The following NSD2 variants were observed in gnomAD, a reference collection of about 807,000 sequenced individuals.
The protein encoded by NSD2 is nuclear receptor binding SET domain protein 2.
Under a neutral mutation model 139.0 loss-of-function variants are expected in NSD2, and 12 were observed. The observed-to-expected ratio is 0.09, with a 90% confidence interval of 0.06 to 0.14. NSD2 has a LOEUF of 0.14. NSD2 is among the 10% of genes least tolerant of loss of function. The pLI is 1.00. For synonymous variants in NSD2, 669 were observed against 648.7 expected (o/e 1.03, Z -0.48); for missense variants, 1,155 against 1,745.0 (o/e 0.66, Z 6.02).
At chr4:1,891,882 C>A (rs1291907371) in intron 1 of NSD2, among the ~76,000 whole-genome samples, 44 of 146,684 alleles carry the variant, frequency 3.0e-4, no homozygotes, top group Admixed American at 9.5e-4. Context: ...CAAAAAAAAA[C>A]AAACAAAAAC....
At chr4:1,879,578 C>G (rs1297633934) in intron 1 of NSD2, among the ~76,000 whole-genome samples, 4 of 152,102 alleles carry the variant, frequency 2.6e-5, no homozygotes, top group Non-Finnish European at 5.9e-5. Context: ...GGCCAGTGAT[C>G]CTGCCTGTCT....
chr4:1,957,008 C>T, intron 15 of NSD2, among the ~76,000 whole-genome samples: 1 of 152,240 alleles, frequency 6.6e-6, no homozygotes, highest in South Asian at 2.1e-4. Flanking sequence ...GAGGGCGAGA[C>T]GAAATTGAGA....
At chr4:1,925,772 A>ATTT (rs564472093) in intron 5 of NSD2, among the ~76,000 whole-genome samples, 27 of 148,854 alleles carry the variant, frequency 1.8e-4, no homozygotes, top group African/African-American at 6.9e-4. Flanking sequence ...CTATATATAT[A>ATTT]TTTTTTTTTG....
intron 5 of NSD2, among the ~76,000 whole-genome samples, chr4:1,923,229 C>G (rs1046831159): frequency 2.7e-5 from 4 of 150,776 alleles, no homozygotes; most frequent in Non-Finnish European, 5.9e-5. Flanking sequence ...TGACTCACGC[C>G]TGTAATCCCA....
intron 9 of NSD2, chr4:1,941,404 G>A (rs879262374): frequency 4.3e-5 from 45 of 1,048,768 alleles, no homozygotes; most frequent in South Asian, 9.2e-5. Context: ...CATGTATATC[G>A]AAGGCTTTGA....
intron 18 of NSD2, among the ~76,000 whole-genome samples, chr4:1,971,565 C>T (rs1427497542): frequency 6.6e-6 from 1 of 152,170 alleles, no homozygotes; most frequent in African/African-American, 2.4e-5. Context: ...TAAATCTCTT[C>T]TTACGAGCCC....
chr4:1,975,411 G>A lies in NSD2; in HGVS notation c.3621+11G>A, dbSNP rs771094496. 8 of 1,612,598 alleles carry A rather than the reference G, an allele frequency of 5.0e-6. No individual in the cohort carries two copies. Among genetic ancestry groups the A allele is most frequent in the African/African-American group, 1.3e-5 (1 of 74,872 alleles). ...GGGGATAGACCAAAGGTAAGGCTGT[G>A]GCGCCCTCCTTCCCCCCAGGCTCTG... On this transcript the variant is annotated intron_variant, in intron 20 of 21. Transcript: ENST00000508803.
chr4:1,936,179 A>G (rs1167399697), intron 7 of NSD2, among the ~76,000 whole-genome samples: 1 of 152,202 alleles, frequency 6.6e-6, no homozygotes, highest in Non-Finnish European at 1.5e-5. Context: ...TGGTACCTGC[A>G]GGGGAGTGAA....
intron 18 of NSD2, among the ~76,000 whole-genome samples, chr4:1,964,773 T>G (rs1398467333): frequency 6.6e-6 from 1 of 151,896 alleles, no homozygotes; most frequent in African/African-American, 2.4e-5. Context: ...GAGCCAGACA[T>G]TAAAAGACTA....
At chr4:1,951,317 A>G in intron 10 of NSD2, 114 bp downstream of exon 10, 1 of 1,388,168 alleles carries the variant, frequency 7.2e-7, no homozygotes, top group Non-Finnish European at 9.8e-7. Flanking sequence ...CCCCAATCTC[A>G]CCGTCACTCA....
At chr4:1,978,028 G>A (rs1412543502) in intron 21 of NSD2, among the ~76,000 whole-genome samples, 4 of 151,306 alleles carry the variant, frequency 2.6e-5, no homozygotes, top group African/African-American at 9.7e-5. Context: ...TCGGAAGGGT[G>A]AGGCAGCAGA....
Position 1,972,086 on chromosome 4 carries a change from G to A in NSD2, c.3373-2777G>A, listed in dbSNP as rs1391973534. 1.3e-5 allele frequency among the ~76,000 whole-genome samples: 2 copies of A among 152,218 alleles called. No homozygotes were observed. The highest frequency in any genetic ancestry group is 4.8e-5 in the African/African-American group (2 of 41,462). ...CAAGAGGCAAACAGTGTCTCTCGGA[G>A]AATGTGACGGCTGTGTTTGGTGATG... is the stretch of plus-strand genomic sequence containing the variant. On this transcript the variant is annotated intron_variant, in intron 18 of 21. Transcript: ENST00000508803. The surrounding 1 kb of genome is among the most constrained non-coding windows in gnomAD (Gnocchi z 4.0).
intron 1 of NSD2, among the ~76,000 whole-genome samples, chr4:1,898,532 T>C (rs1232277832): frequency 3.3e-5 from 5 of 151,336 alleles, no homozygotes; most frequent in Non-Finnish European, 4.4e-5. Context: ...GGCGTGGTGG[T>C]GGGCGCCTGT....
At chr4:1,965,335 G>A (rs1725777589) in intron 18 of NSD2, among the ~76,000 whole-genome samples, 1 of 152,180 alleles carries the variant, frequency 6.6e-6, no homozygotes, top group South Asian at 2.1e-4. Flanking sequence ...CTGAGAAACA[G>A]AAAAGAAGAT....
chr4:1,946,841 C>T (rs1014164317), intron 9 of NSD2: 2 of 1,057,428 alleles, frequency 1.9e-6, no homozygotes, highest in African/African-American at 1.7e-5. Flanking sequence ...AACAGCCCGA[C>T]AGGCCTCATC....
At position 1,956,774 on chromosome 4, in the gene NSD2, G is replaced by A. The variant is rs1406311240; in HGVS notation, c.2881+586G>A. 1.3e-5 allele frequency among the ~76,000 whole-genome samples: 2 copies of A among 152,224 alleles called. No homozygotes were observed. Among genetic ancestry groups the A allele is most frequent in the Non-Finnish European group, 2.9e-5 (2 of 68,038 alleles). On this transcript the variant is annotated intron_variant, in intron 15 of 21. Transcript: ENST00000508803. This position sits in a 1 kb window ranked among gnomAD's most constrained non-coding sequence, Gnocchi z 5.3. ...AATGAGGCCAGTAGAGAAAACCCGA[G>A]GTGTGTGCATGTGGCTCGTTCAGGG... is the stretch of plus-strand genomic sequence containing the variant.
chr4:1,946,775 T>G, intron 9 of NSD2: 1 of 1,051,086 alleles, frequency 9.5e-7, no homozygotes, highest in Non-Finnish European at 1.1e-6. Context: ...ATTCCTATAC[T>G]GGATGAGCAA....
rs747140498 is a variant in NSD2 at position 1,974,979 on chromosome 4, G to A, written c.3489G>A (p.Leu1163=). 3 of 1,614,048 alleles carry A rather than the reference G, an allele frequency of 1.9e-6. No homozygotes were observed. Among genetic ancestry groups the A allele is most frequent in the Admixed American group, 3.3e-5 (2 of 60,004 alleles). ...TGAATGGGGACACTCGTGTGGGCCTGTTTGCCGTCTGTGACATTCCTGCAG... is the reference window on the plus strand; with the variant it reads ...TGAATGGGGACACTCGTGTGGGCCTATTTGCCGTCTGTGACATTCCTGCAG... ...WTVNGDTRVG[L]FAVCDIPAGT... The change falls in exon 19 of 22, where the codon CTG becomes CTA. Residue 1163 remains leucine (L), a synonymous_variant. Coordinates refer to ENST00000508803, the MANE Select transcript of NSD2 (RefSeq NM_001042424.3). This position sits in a 1 kb window ranked among gnomAD's most constrained non-coding sequence, Gnocchi z 4.0.
At chr4:1,920,528 G>C (rs973068139) in intron 5 of NSD2, among the ~76,000 whole-genome samples, 2 of 152,222 alleles carry the variant, frequency 1.3e-5, no homozygotes, top group Admixed American at 6.5e-5. Flanking sequence ...AAAGGCATTT[G>C]ATAAAATTCA....
Sources: gnomAD v4.1 joint callset for allele counts (sites outside exome capture counted in the v4.1 genomes callset) on GRCh38, gnomAD v4.1.1 for gene constraint, Gnocchi (gnomAD v3.1) non-coding constraint, MANE v1.5 for transcripts, NCBI Gene and HGNC (gene_info 2026-07-23, HGNC 2026-07-21) for gene names.